THSD7B: variants seen among roughly 807,000 people sequenced by gnomAD.
The protein encoded by THSD7B is thrombospondin type 1 domain containing 7B.
Under a neutral mutation model 213.6 loss-of-function variants are expected in THSD7B, and 138 were observed. That is an observed-to-expected ratio of 0.65 (90% CI 0.56 to 0.74). The LOEUF is 0.74. THSD7B is among the 30% of genes least tolerant of loss of function. The probability of loss-of-function intolerance (pLI) is 0.00; values close to 1 mark genes in which losing one functional copy is unlikely to be tolerated. For synonymous variants in THSD7B, 742 were observed against 687.0 expected (o/e 1.08, Z -1.25); for missense variants, 1,931 against 1,991.5 (o/e 0.97, Z 0.58).
intron 12 of THSD7B, among the ~76,000 whole-genome samples, chr2:137,331,656 G>A (rs1684509287): frequency 3.3e-5 from 5 of 152,194 alleles, no homozygotes. Context: ...TGTGGAGCAG[G>A]GGGCGGTGCT....
intron 15 of THSD7B, among the ~76,000 whole-genome samples, chr2:137,496,108 G>A (rs1679559391): frequency 1.3e-5 from 2 of 152,156 alleles, no homozygotes; most frequent in African/African-American, 4.8e-5. Context: ...AAATTGGTGA[G>A]TGTAGTTTGA....
At chr2:137,258,611 C>G (rs1682362783) in intron 10 of THSD7B, among the ~76,000 whole-genome samples, 1 of 152,004 alleles carries the variant, frequency 6.6e-6, no homozygotes. Flanking sequence ...CGCCCTGCCC[C>G]CCACCCGCCA....
chr2:137,076,594 G>A (rs1044563677), intron 3 of THSD7B, among the ~76,000 whole-genome samples: 13 of 152,314 alleles, frequency 8.5e-5, no homozygotes, highest in Admixed American at 1.3e-4. Flanking sequence ...TGCACCCACC[G>A]TCCTGGGCCT....
At chr2:136,858,215 GCATT>G (rs376364241) in intron 1 of THSD7B, among the ~76,000 whole-genome samples, 22 of 152,234 alleles carry the variant, frequency 1.4e-4, no homozygotes, top group African/African-American at 5.3e-4. Flanking sequence ...TAAATAAATA[GCATT>G]CTAGTCTTGG....
intron 1 of THSD7B, among the ~76,000 whole-genome samples, chr2:136,767,669 C>T (rs1236567609): frequency 6.6e-6 from 1 of 152,102 alleles, no homozygotes; most frequent in Admixed American, 6.5e-5. Context: ...CGGATAGTCT[C>T]GTATAAATCA....
intron 14 of THSD7B, among the ~76,000 whole-genome samples, chr2:137,438,960 G>C (rs981722004): frequency 6.6e-6 from 1 of 152,066 alleles, no homozygotes; most frequent in Non-Finnish European, 1.5e-5. Context: ...ATTTGAGACA[G>C]AGAAACAAAG....
intron 17 of THSD7B, among the ~76,000 whole-genome samples, chr2:137,602,244 C>A (rs865860824): frequency 1.3e-5 from 2 of 151,948 alleles, no homozygotes; most frequent in African/African-American, 4.8e-5. Flanking sequence ...CATTTATTTT[C>A]TTTCTCGTTT....
chr2:136,811,789 C>T lies in THSD7B; in HGVS notation c.-36+46102C>T, dbSNP rs1573649579. Reference sequence around the variant, plus strand: ...ATTTCTGGGTTCTGCTGAAATGTTTCTACATGGCAGCACAGGGGCCTCTTT... The same window carrying T: ...ATTTCTGGGTTCTGCTGAAATGTTTTTACATGGCAGCACAGGGGCCTCTTT... On this transcript the variant is annotated intron_variant, in intron 1 of 27. Transcript: ENST00000409968. Among the ~76,000 whole-genome samples, 5 of 152,278 alleles carry T rather than the reference C, an allele frequency of 3.3e-5. No individual in the cohort carries two copies. In the South Asian group the frequency reaches 1.0e-3, roughly 32 times the overall value.
intron 12 of THSD7B, among the ~76,000 whole-genome samples, chr2:137,338,371 T>G (rs527998109): frequency 6.6e-6 from 1 of 152,010 alleles, no homozygotes; most frequent in African/African-American, 2.4e-5. Context: ...TTGATCACAG[T>G]GGTTATGGGT....
At chr2:136,894,418 G>A (rs1248912157) in intron 2 of THSD7B, among the ~76,000 whole-genome samples, 2 of 152,198 alleles carry the variant, frequency 1.3e-5, no homozygotes, top group East Asian at 3.8e-4. Flanking sequence ...ACTGGAATCA[G>A]GCTGTCTAGG....
intron 1 of THSD7B, among the ~76,000 whole-genome samples, chr2:136,773,670 T>C (rs1239099659): frequency 6.6e-6 from 1 of 152,090 alleles, no homozygotes; most frequent in East Asian, 1.9e-4. Flanking sequence ...AGTAGCCACA[T>C]GTGGCTGGTG....
At chr2:137,475,246 C>T (rs530130021) in intron 15 of THSD7B, among the ~76,000 whole-genome samples, 89 of 152,224 alleles carry the variant, frequency 5.8e-4, no homozygotes, top group Non-Finnish European at 1.1e-3. Context: ...ACATATAACA[C>T]ATTTTGTTAC....
intron 1 of THSD7B, among the ~76,000 whole-genome samples, chr2:136,799,269 A>G (rs1035114076): frequency 6.6e-6 from 1 of 152,052 alleles, no homozygotes; most frequent in Non-Finnish European, 1.5e-5. Flanking sequence ...AGATTCTTAC[A>G]AAATGTATTT....
At chr2:136,778,104 CT>C (rs1681647299) in intron 1 of THSD7B, among the ~76,000 whole-genome samples, 1 of 152,274 alleles carries the variant, frequency 6.6e-6, no homozygotes, top group Admixed American at 6.5e-5. Flanking sequence ...TGGAAATAAT[CT>C]TTCCAAGAAC....
rs114897188 is a variant in THSD7B, at chr2:136,955,509, G to A, written c.139+73192G>A. Among the ~76,000 whole-genome samples the A allele has an allele frequency of 3.8e-3, 584 of 152,164 alleles. 6 individuals carry two copies. The highest frequency in any genetic ancestry group is 0.012 in the South Asian group (58 of 4,802). On this transcript the variant is annotated intron_variant, in intron 2 of 27. Transcript: ENST00000409968. ...GAGAGTAACAGATATGCCACCTCAG[G>A]AAAATTAGTCACAGAACCAGCCCTC...
intron 5 of THSD7B, among the ~76,000 whole-genome samples, chr2:137,119,411 A>G (rs1688505814): frequency 6.6e-6 from 1 of 152,214 alleles, no homozygotes; most frequent in Non-Finnish European, 1.5e-5. Flanking sequence ...ACAGTGACTT[A>G]AGTGTTTGGA....
chr2:137,543,884 A>T (rs186895370), intron 15 of THSD7B, among the ~76,000 whole-genome samples: 1 of 151,790 alleles, frequency 6.6e-6, no homozygotes, highest in Non-Finnish European at 1.5e-5. Flanking sequence ...CTCAGATGCT[A>T]AAGATTAGTC....
chr2:137,067,925 C>T (rs908298402), intron 3 of THSD7B, among the ~76,000 whole-genome samples: 1 of 152,032 alleles, frequency 6.6e-6, no homozygotes, highest in Admixed American at 6.6e-5. Context: ...AGTATAGGGT[C>T]CCCACTAGAA....
chr2:137,290,311 G>A (rs552909127), intron 12 of THSD7B, among the ~76,000 whole-genome samples: 15 of 152,024 alleles, frequency 9.9e-5, no homozygotes, highest in Non-Finnish European at 1.5e-4. Flanking sequence ...GGATGGTCTC[G>A]ATCTCCTGAC....
Sources: allele counts gnomAD v4.1 joint callset (sites outside exome capture counted in the v4.1 genomes callset), GRCh38; gene constraint gnomAD v4.1.1; transcripts MANE v1.5; gene names NCBI Gene and HGNC (gene_info 2026-07-23, HGNC 2026-07-21).